Variants in TMEM108 observed in about 807,000 individuals in gnomAD.
TMEM108 encodes transmembrane protein 108, also known as cancer/testis antigen 124.
In TMEM108, 12 loss-of-function variants were observed where a neutral mutation model predicts 35.1. The observed-to-expected ratio is 0.34, with a 90% CI of 0.22 to 0.55. TMEM108 has a LOEUF of 0.55. TMEM108 is among the 20% of genes least tolerant of loss of function. The probability of loss-of-function intolerance (pLI) is 0.89; values close to 1 mark genes in which losing one functional copy is unlikely to be tolerated. For missense variants in TMEM108, 680 were observed against 753.3 expected (o/e 0.90, Z 1.14); for synonymous variants, 287 against 308.6 (o/e 0.93, Z 0.73).
intron 3 of TMEM108, among the ~76,000 whole-genome samples, chr3:133,304,934 T>C (rs1266145145): frequency 2.6e-5 from 4 of 151,794 alleles, no homozygotes; most frequent in African/African-American, 9.7e-5. Context: ...AATACAAAAA[T>C]CAACTGGATG....
chr3:133,294,278 G>A (rs998244312), intron 3 of TMEM108, among the ~76,000 whole-genome samples: 2 of 152,136 alleles, frequency 1.3e-5, no homozygotes, highest in Non-Finnish European at 2.9e-5. Context: ...TAGCAACATG[G>A]CACTAAAATT....
At chr3:133,309,703 TTTTTTTTTTTTTTTTG>T (rs2071096506) in intron 3 of TMEM108, among the ~76,000 whole-genome samples, 1 of 102,704 alleles carries the variant, frequency 9.7e-6, no homozygotes, top group African/African-American at 3.2e-5. Context: ...TTTTTTTTTT[TTTTTTTTTTTTTTTTG>T]AGACGGAGTC....
intron 3 of TMEM108, among the ~76,000 whole-genome samples, chr3:133,306,415 G>T (rs1173020970): frequency 6.6e-6 from 1 of 151,992 alleles, no homozygotes; most frequent in African/African-American, 2.4e-5. Flanking sequence ...TGTGCACAAC[G>T]TGCAGGTATG....
chr3:133,225,193 C>T (rs990286237), intron 2 of TMEM108, among the ~76,000 whole-genome samples: 1 of 151,898 alleles, frequency 6.6e-6, no homozygotes, highest in Non-Finnish European at 1.5e-5. Context: ...ACTACAGGTG[C>T]GTGCCACCAT....
chr3:133,349,942 A>G (rs1176611326), intron 3 of TMEM108, among the ~76,000 whole-genome samples: 1 of 152,206 alleles, frequency 6.6e-6, no homozygotes, highest in Non-Finnish European at 1.5e-5. Context: ...ATATATATCC[A>G]AAGGAAATCA....
At chr3:133,215,826 G>T (rs1401701243) in intron 2 of TMEM108, among the ~76,000 whole-genome samples, 1 of 151,982 alleles carries the variant, frequency 6.6e-6, no homozygotes, top group Admixed American at 6.6e-5. Context: ...TGGAATTTAA[G>T]TTGCGGTATG....
intron 3 of TMEM108, among the ~76,000 whole-genome samples, chr3:133,250,323 C>T (rs548758529): frequency 9.9e-5 from 15 of 152,220 alleles, no homozygotes; most frequent in African/African-American, 3.4e-4. Flanking sequence ...AGGATGAAGA[C>T]CTATATGATC....
At chr3:133,374,561 TATACAC>T (rs1427060584) in intron 3 of TMEM108, among the ~76,000 whole-genome samples, 8 of 79,924 alleles carry the variant, frequency 1.0e-4, no homozygotes, top group East Asian at 5.6e-4. Context: ...TATATATATA[TATACAC>T]ACACACACAT....
At chr3:133,182,069 A>C (rs1945354203) in intron 2 of TMEM108, among the ~76,000 whole-genome samples, 1 of 152,100 alleles carries the variant, frequency 6.6e-6, no homozygotes, top group African/African-American at 2.4e-5. Flanking sequence ...GTAGATCTCA[A>C]CCTGTCTGGG....
intron 3 of TMEM108, among the ~76,000 whole-genome samples, chr3:133,312,423 T>G (rs1417852908): frequency 6.6e-6 from 1 of 152,146 alleles, no homozygotes; most frequent in Non-Finnish European, 1.5e-5. Context: ...GTTTACCTAC[T>G]CAAGCCTCAG....
chr3:133,332,787 C>G (rs1306485645), intron 3 of TMEM108, among the ~76,000 whole-genome samples: 6 of 152,186 alleles, frequency 3.9e-5, no homozygotes, highest in Non-Finnish European at 7.3e-5. Context: ...TAGCATGTTC[C>G]TTTAACCAAG....
At chr3:133,241,794 A>T (rs778509632) in intron 3 of TMEM108, among the ~76,000 whole-genome samples, 1 of 151,838 alleles carries the variant, frequency 6.6e-6, no homozygotes, top group Non-Finnish European at 1.5e-5. Flanking sequence ...TTGCATTTTT[A>T]GTAGAGACAG....
chr3:133,057,609 C>T (rs2107679679), intron 2 of TMEM108, among the ~76,000 whole-genome samples: 1 of 151,486 alleles, frequency 6.6e-6, no homozygotes, highest in South Asian at 2.1e-4. Flanking sequence ...CTAACTGAAC[C>T]TTTACTGGTT....
intron 3 of TMEM108, among the ~76,000 whole-genome samples, chr3:133,377,782 G>A (rs1395818676): frequency 1.3e-5 from 2 of 151,968 alleles, no homozygotes; most frequent in African/African-American, 4.8e-5. Context: ...AGAGGTGGGA[G>A]GCCGGTGAGC....
intron 2 of TMEM108, among the ~76,000 whole-genome samples, 189 bp downstream of exon 2, chr3:133,046,209 G>T (rs1469724168): frequency 2.0e-5 from 3 of 152,198 alleles, no homozygotes; most frequent in Non-Finnish European, 4.4e-5. Context: ...CATGACCGAG[G>T]TGATGGGATG....
intron 3 of TMEM108, among the ~76,000 whole-genome samples, chr3:133,373,977 C>T (rs1041343983): frequency 6.6e-6 from 1 of 152,218 alleles, no homozygotes; most frequent in Non-Finnish European, 1.5e-5. Flanking sequence ...CGGTGCCTGG[C>T]TGGGGCTGGG....
At chr3:133,086,839 G>T (rs1277972002) in intron 2 of TMEM108, among the ~76,000 whole-genome samples, 2 of 152,194 alleles carry the variant, frequency 1.3e-5, no homozygotes, top group Non-Finnish European at 2.9e-5. Flanking sequence ...GATGTGTGCG[G>T]TTGGCCATAC....
chr3:133,379,061 G>A (rs1378488739), intron 3 of TMEM108, among the ~76,000 whole-genome samples: 3 of 152,112 alleles, frequency 2.0e-5, no homozygotes, highest in African/African-American at 7.2e-5. Flanking sequence ...ATGGCACTGA[G>A]ACATCTTTGT....
intron 2 of TMEM108, among the ~76,000 whole-genome samples, chr3:133,104,785 C>T (rs957122920): frequency 6.6e-6 from 1 of 152,198 alleles, no homozygotes; most frequent in African/African-American, 2.4e-5. Context: ...ACCTGTAAGA[C>T]GGCCTCCATT....
Sources: gnomAD v4.1 joint callset for allele counts (sites outside exome capture counted in the v4.1 genomes callset) on GRCh38, gnomAD v4.1.1 for gene constraint, MANE v1.5 for transcripts, NCBI Gene and HGNC (gene_info 2026-07-23, HGNC 2026-07-21) for gene names.